The following COL28A1 variants were observed in gnomAD, a reference collection of about 807,000 sequenced individuals.
COL28A1 encodes the protein collagen type XXVIII alpha 1 chain, also known as collagen alpha-1(XXVIII) chain.
A neutral mutation model predicts 150.2 loss-of-function variants in COL28A1; 161 were observed. The observed-to-expected ratio is 1.07, with a 90% confidence interval of 0.94 to 1.22. COL28A1 has a LOEUF of 1.22. Among genes scored for constraint, COL28A1 ranks in the 50% most tolerant of loss-of-function variants. The pLI is 0.00. For missense variants in COL28A1, 1,617 were observed against 1,388.3 expected (o/e 1.16, Z -2.62); for synonymous variants, 552 against 469.7 (o/e 1.18, Z -2.26).
At chr7:7,424,589 G>C (rs920494335) in intron 25 of COL28A1, among the ~76,000 whole-genome samples, 1 of 152,114 alleles carries the variant, frequency 6.6e-6, no homozygotes, top group African/African-American at 2.4e-5. Context: ...AGCCTGCAGA[G>C]GGAGCCCTTG....
At chr7:7,445,862 C>T (rs577338878) in intron 18 of COL28A1, among the ~76,000 whole-genome samples, 6 of 145,096 alleles carry the variant, frequency 4.1e-5, no homozygotes, top group Middle Eastern at 3.7e-3. Flanking sequence ...AAACTTAATG[C>T]CTTTTTTTTT....
chr7:7,442,746 TAGAA>T (rs1200353953), intron 20 of COL28A1, among the ~76,000 whole-genome samples: 1 of 152,014 alleles, frequency 6.6e-6, no homozygotes, highest in Non-Finnish European at 1.5e-5. Context: ...CACATAAAAA[TAGAA>T]AGAAGCCCAG....
At chr7:7,543,642 A>G in the COL28A1 span, among the ~76,000 whole-genome samples, 2 of 152,176 alleles carry the variant, frequency 1.3e-5, no homozygotes, top group African/African-American at 4.8e-5. Flanking sequence ...GATTTCCATC[A>G]TATAGTTGCC....
chr7:7,444,407 C>T lies in COL28A1; in HGVS notation c.1581+11G>A. 4 of 1,613,530 alleles carry T rather than the reference C, an allele frequency of 2.5e-6. No homozygotes were observed. Among genetic ancestry groups the T allele is most frequent in the African/African-American group, 2.7e-5 (2 of 74,974 alleles). ...GTTCCTACTCCAGTAATACGAAAAA[C>T]TTGGTGTTACCTTCTTCCCTGCAGC... On this transcript the variant is annotated intron_variant, in intron 19 of 34. Coordinates refer to ENST00000399429, the MANE Select transcript of COL28A1 (RefSeq NM_001037763.3).
At position 7,502,336 on chromosome 7, in the gene COL28A1, G is replaced by A. The variant is rs116131966; in HGVS notation, c.1026+3678C>T. On this transcript the variant is annotated intron_variant, in intron 11 of 34. Transcript: ENST00000399429. ...CAAAGTCATTCAGGGCAGACTAGGA[G>A]CTACTTTACATGTGGAAAGTATTAT... is the stretch of plus-strand genomic sequence containing the variant. Among the ~76,000 whole-genome samples the A allele has an allele frequency of 2.8e-3, 420 of 152,298 alleles. 5 individuals carry two copies. Among genetic ancestry groups the A allele is most frequent in the African/African-American group, 9.7e-3 (402 of 41,570 alleles).
chr7:7,505,528 A>G (rs564895853), intron 11 of COL28A1, among the ~76,000 whole-genome samples: 2 of 152,096 alleles, frequency 1.3e-5, no homozygotes, highest in Admixed American at 1.3e-4. Flanking sequence ...TTGGCTGGTT[A>G]TCTGTGGACT....
chr7:7,345,262 T>C, the COL28A1 span, among the ~76,000 whole-genome samples: 4 of 151,800 alleles, frequency 2.6e-5, no homozygotes, highest in African/African-American at 9.7e-5. Flanking sequence ...TAAAAGTTTC[T>C]CATGATGGAA....
At chr7:7,350,502 G>C in the COL28A1 span, among the ~76,000 whole-genome samples, 1 of 152,048 alleles carries the variant, frequency 6.6e-6, no homozygotes, top group Non-Finnish European at 1.5e-5. Flanking sequence ...TTTTCTAATA[G>C]TAAAACACAT....
chr7:7,437,887 C>T lies in COL28A1; in HGVS notation c.1723-425G>A, dbSNP rs117294606. On this transcript the variant is annotated intron_variant, in intron 21 of 34. Coordinates refer to ENST00000399429, the MANE Select transcript of COL28A1 (RefSeq NM_001037763.3). ...TTTCTTTGTTGTTTTATTTTAATGACCAAAGGTAAAATAGTCTTCCATTCC... is the reference window on the plus strand; with the variant it reads ...TTTCTTTGTTGTTTTATTTTAATGATCAAAGGTAAAATAGTCTTCCATTCC... Among the ~76,000 whole-genome samples, 1,195 of 152,046 alleles carry T rather than the reference C, an allele frequency of 7.9e-3. 12 individuals are homozygous for T. Among genetic ancestry groups the T allele is most frequent in the Middle Eastern group, 0.038 (11 of 292 alleles).
intron 18 of COL28A1, 71 bp downstream of exon 18, chr7:7,452,248 T>G: frequency 6.4e-7 from 1 of 1,565,196 alleles, no homozygotes; most frequent in South Asian, 1.2e-5. Flanking sequence ...TGTAAGGCAA[T>G]TGGATATAAA....
chr7:7,516,194 T>C (rs7778306), intron 7 of COL28A1, among the ~76,000 whole-genome samples: 83,970 of 152,132 alleles, frequency 0.55, 25,242 homozygotes, highest in Admixed American at 0.69. Context: ...ATATTGACTT[T>C]TAAACTATGA....
At chr7:7,414,021 C>T (rs775442051) in intron 27 of COL28A1, among the ~76,000 whole-genome samples, 10 of 152,082 alleles carry the variant, frequency 6.6e-5, no homozygotes, top group South Asian at 2.1e-4. Flanking sequence ...GACACTGGAA[C>T]GGACTTAAAC....
chr7:7,450,491 G>A (rs1338229795), intron 18 of COL28A1, among the ~76,000 whole-genome samples: 1 of 152,174 alleles, frequency 6.6e-6, no homozygotes, highest in Non-Finnish European at 1.5e-5. Context: ...TTTGCAGTTT[G>A]TATAACACAG....
intron 27 of COL28A1, among the ~76,000 whole-genome samples, chr7:7,410,272 A>G (rs941019081): frequency 6.6e-6 from 1 of 152,204 alleles, no homozygotes; most frequent in African/African-American, 2.4e-5. Flanking sequence ...TAATAAAGGT[A>G]TAGAGACGCT....
intron 13 of COL28A1, among the ~76,000 whole-genome samples, chr7:7,484,950 A>C (rs935894848): frequency 1.3e-5 from 2 of 152,110 alleles, no homozygotes; most frequent in Non-Finnish European, 2.9e-5. Context: ...CAAAGAAGGG[A>C]ACAGCAGACA....
chr7:7,378,696 A>T (rs921706489), intron 30 of COL28A1, among the ~76,000 whole-genome samples: 2 of 152,136 alleles, frequency 1.3e-5, no homozygotes, highest in Admixed American at 1.3e-4. Context: ...ACCTCTAGCT[A>T]TAAGGGCTCT....
chr7:7,358,809 G>A lies in COL28A1; in HGVS notation c.3206-4C>T, dbSNP rs1469117071. 1 of 1,605,258 alleles carries A rather than the reference G, an allele frequency of 6.2e-7. No individual in the cohort carries two copies. The highest frequency in any genetic ancestry group is 1.1e-5 in the South Asian group (1 of 88,972). On this transcript the variant is annotated splice_polypyrimidine_tract_variant and splice_region_variant and intron_variant, in intron 34 of 34. Transcript: ENST00000399429. ...AAGGCTTCCAAACATCTAGGATCTA[G>A]AGTGAGAAAAGGAAAATGTGTCACG...
chr7:7,445,486 A>G (rs959386122), intron 18 of COL28A1, among the ~76,000 whole-genome samples: 1 of 152,212 alleles, frequency 6.6e-6, no homozygotes, highest in East Asian at 1.9e-4. Context: ...GTATTAAGGC[A>G]CTCAGTTCCT....
At chr7:7,452,609 A>T (rs1786795893) in intron 17 of COL28A1, among the ~76,000 whole-genome samples, 1 of 152,248 alleles carries the variant, frequency 6.6e-6, no homozygotes, top group African/African-American at 2.4e-5. Flanking sequence ...GTCTGACTTA[A>T]AATATAGGCC....
Sources: allele counts gnomAD v4.1 joint callset (sites outside exome capture counted in the v4.1 genomes callset), GRCh38; gene constraint gnomAD v4.1.1; transcripts MANE v1.5; gene names NCBI Gene and HGNC (gene_info 2026-07-23, HGNC 2026-07-21).